Variants in PIGK observed in about 807,000 individuals in gnomAD.
PIGK encodes GPI-anchor transamidase.
A neutral mutation model predicts 50.6 loss-of-function variants in PIGK; 42 were observed. The ratio of observed to expected loss-of-function variants is 0.83; its 90% CI spans 0.65 to 1.07. The LOEUF is 1.07. Ranked by LOEUF, PIGK falls within the 50% of genes least tolerant of loss-of-function variation. The pLI is 0.00. For missense variants in PIGK, 448 were observed against 488.7 expected, an observed-to-expected ratio of 0.92 and a Z score of 0.78; for synonymous variants, 151 against 156.0, an observed-to-expected ratio of 0.97 and a Z score of 0.24.
chr1:77,161,213 AGGAGT>A (rs2100555423), intron 8 of PIGK, 77 bp downstream of exon 8: 1 of 737,422 alleles, frequency 1.4e-6, no homozygotes, highest in East Asian at 2.6e-5. Context: ...AAGATCCTCT[AGGAGT>A]GCAGGGAATA....
chr1:77,122,883 ATTAAT>A (rs1654136323), intron 9 of PIGK, among the ~76,000 whole-genome samples: 1 of 152,110 alleles, frequency 6.6e-6, no homozygotes, highest in African/African-American at 2.4e-5. Context: ...TTTTTAATAT[ATTAAT>A]TTGTTTATCG....
intron 1 of PIGK, 36 bp downstream of exon 1, chr1:77,219,274 G>T (rs1557436397): frequency 6.4e-7 from 1 of 1,556,458 alleles, no homozygotes; most frequent in Non-Finnish European, 8.9e-7. Context: ...CTCACAGCCG[G>T]CCTCCCGGCT....
At chr1:77,169,194 G>C (rs939223809) in intron 4 of PIGK, 66 bp downstream of exon 4, 6 of 1,002,642 alleles carry the variant, frequency 6.0e-6, no homozygotes, top group Admixed American at 2.8e-5. Context: ...ATTTTATTCT[G>C]CCATTGTTTT....
Position 77,091,878 on chromosome 1 carries a change from T to C in PIGK, c.*496A>G, listed in dbSNP as rs1325406677. 6.6e-6 allele frequency: 1 copy of C among 152,538 alleles called. No homozygotes were observed. Among genetic ancestry groups the C allele is most frequent in the East Asian group, 1.9e-4 (1 of 5,228 alleles). The allele number at this position is 152,538 out of a possible 1,614,324, so 9.4% of individuals were successfully genotyped here. A position where few individuals can be genotyped will look rare whatever the true frequency, so the allele number is the denominator to read the frequency against. On this transcript the variant is annotated 3_prime_UTR_variant, in exon 11 of 11. Transcript: ENST00000370812. ...GTGAATACTATGCAGTCATTCACAA[T>C]GTATTTTTGAGAGGGAAAAGGTTGA...
chr1:77,175,462 C>A (rs1336249434), intron 3 of PIGK, among the ~76,000 whole-genome samples: 1 of 151,910 alleles, frequency 6.6e-6, no homozygotes. Context: ...AATTTATGCA[C>A]CAAAAGTAAA....
chr1:77,116,961 CT>C (rs1274599282), intron 10 of PIGK, among the ~76,000 whole-genome samples: 2 of 152,202 alleles, frequency 1.3e-5, no homozygotes, highest in Non-Finnish European at 2.9e-5. Context: ...ACCCTGTTCA[CT>C]TAATTTTCTG....
At chr1:77,106,396 A>C (rs1381017130) in intron 10 of PIGK, among the ~76,000 whole-genome samples, 2 of 152,200 alleles carry the variant, frequency 1.3e-5, no homozygotes, top group Non-Finnish European at 2.9e-5. Context: ...AATTTCAGTC[A>C]AATTAACTTT....
chr1:77,197,149 T>A (rs1401665542), intron 3 of PIGK, among the ~76,000 whole-genome samples: 2 of 152,152 alleles, frequency 1.3e-5, no homozygotes, highest in East Asian at 3.8e-4. Flanking sequence ...GGAGATTATA[T>A]AATGAAGCAA....
intron 9 of PIGK, among the ~76,000 whole-genome samples, chr1:77,151,925 A>G (rs1398428559): frequency 6.6e-6 from 1 of 152,132 alleles, no homozygotes; most frequent in Admixed American, 6.6e-5. Flanking sequence ...CAGAAGAAGT[A>G]TATTTATTGA....
intron 10 of PIGK, among the ~76,000 whole-genome samples, chr1:77,101,846 A>C (rs889851990): frequency 2.0e-5 from 3 of 152,114 alleles, no homozygotes; most frequent in Admixed American, 6.6e-5. Context: ...TCTACTAAAA[A>C]TACAAAAATT....
intron 10 of PIGK, among the ~76,000 whole-genome samples, chr1:77,097,487 G>A (rs1653443257): frequency 6.6e-6 from 1 of 152,114 alleles, no homozygotes; most frequent in Non-Finnish European, 1.5e-5. Context: ...CTTTTTCCAT[G>A]ATAAATGTGC....
rs575300997 is a variant in PIGK at position 77,175,970 on chromosome 1, C to T, written c.240-6575G>A. Among the ~76,000 whole-genome samples the T allele has an allele frequency of 3.3e-5, 5 of 151,996 alleles. No homozygotes were observed. The South Asian group carries it at 8.3e-4, about 25-fold the overall frequency. On this transcript the variant is annotated intron_variant, in intron 3 of 10. Transcript: ENST00000370812. ...TTATGAAAGGGTGAAATTTGGCTCT[C>T]CCTGAACAAGATTTTCATGTAATAT...
intron 9 of PIGK, among the ~76,000 whole-genome samples, chr1:77,132,058 T>A (rs370100762): frequency 1.1e-4 from 16 of 152,198 alleles, no homozygotes; most frequent in African/African-American, 3.8e-4. Context: ...ATCCTTCAGT[T>A]GAAGGCTTAA....
intron 8 of PIGK, among the ~76,000 whole-genome samples, chr1:77,155,248 T>C (rs779192211): frequency 1.3e-5 from 2 of 152,188 alleles, no homozygotes; most frequent in Non-Finnish European, 1.5e-5. Context: ...AATACTCCAG[T>C]GCTCCAAAGA....
At chr1:77,160,230 A>G (rs536249196) in intron 8 of PIGK, among the ~76,000 whole-genome samples, 1 of 152,284 alleles carries the variant, frequency 6.6e-6, no homozygotes, top group South Asian at 2.1e-4. Flanking sequence ...TTCTGCCATG[A>G]TTATGAAGCC....
At position 77,193,245 on chromosome 1, in the gene PIGK, A is replaced by ATGTGTGTGTGTGTGTGTGTG. The variant is rs56987496; in HGVS notation, c.239+13375_239+13394dup. Among the ~76,000 whole-genome samples the ATGTGTGTGTGTGTGTGTGTG allele has an allele frequency of 1.8e-3, 258 of 144,866 alleles. 3 individuals carry two copies. Among genetic ancestry groups the ATGTGTGTGTGTGTGTGTGTG allele is most frequent in the African/African-American group, 6.4e-3 (245 of 38,502 alleles). Reference sequence around the variant, plus strand: ...TGTTAGCTGACAGTGTGGCATGAGAATGTGTGTGTGTGTGTGTGTGTGTGT... The same window carrying ATGTGTGTGTGTGTGTGTGTG: ...TGTTAGCTGACAGTGTGGCATGAGAATGTGTGTGTGTGTGTGTGTGTGTGTGTGTGTGTGTGTGTGTGTGT... On this transcript the variant is annotated intron_variant, in intron 3 of 10. Transcript: ENST00000370812.
At chr1:77,105,796 T>C (rs564826719) in intron 10 of PIGK, among the ~76,000 whole-genome samples, 1 of 152,328 alleles carries the variant, frequency 6.6e-6, no homozygotes, top group African/African-American at 2.4e-5. Context: ...ATTGAGTAGT[T>C]GTAACAAACA....
intron 5 of PIGK, among the ~76,000 whole-genome samples, chr1:77,165,603 TAA>T (rs10712374): frequency 0.13 from 16,647 of 128,608 alleles, 1,226 homozygotes; most frequent in African/African-American, 0.22. Context: ...CAACTGGTGA[TAA>T]AAAAAAAAAA....
chr1:77,141,620 G>A (rs912553635), intron 9 of PIGK, among the ~76,000 whole-genome samples: 5 of 152,106 alleles, frequency 3.3e-5, no homozygotes, highest in African/African-American at 4.8e-5. Context: ...GCTCGTCAAT[G>A]TTGGTAAGTC....
Sources: allele counts gnomAD v4.1 joint callset (sites outside exome capture counted in the v4.1 genomes callset), GRCh38; gene constraint gnomAD v4.1.1; transcripts MANE v1.5; gene names NCBI Gene and HGNC (gene_info 2026-07-23, HGNC 2026-07-21).